DOP1A: variants seen among roughly 807,000 people sequenced by gnomAD.
DOP1A encodes the protein DOP1 leucine zipper like protein A.
DOP1A carries 90 observed loss-of-function variants against 267.6 expected under a neutral mutation model. The observed-to-expected ratio is 0.34, with a 90% CI of 0.28 to 0.40. DOP1A has a LOEUF of 0.40. Ranked by LOEUF, DOP1A falls within the 10% of genes least tolerant of loss-of-function variation. The pLI, the probability that DOP1A is intolerant of heterozygous loss-of-function variation, is 1.00. For missense variants in DOP1A, 2,437 were observed against 2,900.4 expected (o/e 0.84, Z 3.67); for synonymous variants, 932 against 999.1 (o/e 0.93, Z 1.27).
rs1779209927 is a variant in DOP1A at position 83,138,858 on chromosome 6, G to T, written c.4816G>T (p.Gly1606Cys). Reference protein sequence around the residue: ...VMTIPEENETGFDFVVSDLEH... With the variant: ...VMTIPEENETCFDFVVSDLEH... ...GACTATTCCTGAAGAGAATGAAACAGGTTTTGATTTTGTTGTATCTGACTT... is the reference window on the plus strand; with the variant it reads ...GACTATTCCTGAAGAGAATGAAACATGTTTTGATTTTGTTGTATCTGACTT... Residue 1606 changes from glycine (G) to cysteine (C), a missense_variant, in exon 21 of 39, where the codon GGT becomes TGT. Gly to Cys is a radical substitution (Grantham distance 159, BLOSUM62 -3). This residue lies in a region of DOP1A where 878 missense variants were observed against 992.9 expected (regional missense o/e 0.88). Transcript: ENST00000349129. The T allele has an allele frequency of 6.2e-7, 1 of 1,613,998 alleles. No homozygotes were observed. The highest frequency in any genetic ancestry group is 8.5e-7 in the Non-Finnish European group (1 of 1,179,938).
At chr6:83,125,819 G>A (rs1160694164) in intron 15 of DOP1A, 86 bp downstream of exon 15, 1 of 1,166,362 alleles carries the variant, frequency 8.6e-7, no homozygotes, top group African/African-American at 1.5e-5. Flanking sequence ...TTATACATAA[G>A]CATTTAAATA....
At chr6:83,082,964 C>T (rs553955062) in intron 1 of DOP1A, among the ~76,000 whole-genome samples, 47 of 151,984 alleles carry the variant, frequency 3.1e-4, no homozygotes, top group Non-Finnish European at 5.0e-4. Flanking sequence ...CCTGCCACCA[C>T]GCCCAGCTAA....
At chr6:83,109,846 T>C (rs1007864810) in intron 5 of DOP1A, among the ~76,000 whole-genome samples, 1 of 151,516 alleles carries the variant, frequency 6.6e-6, no homozygotes, top group Admixed American at 6.6e-5. Flanking sequence ...GTGGAGTGTT[T>C]TGTTGTTGTT....
At chr6:83,076,507 T>G (rs1422428123) in intron 1 of DOP1A, among the ~76,000 whole-genome samples, 1 of 151,106 alleles carries the variant, frequency 6.6e-6, no homozygotes, top group African/African-American at 2.4e-5. Flanking sequence ...AGACTCCATC[T>G]CAAAAGAAAA....
At chr6:83,113,486 G>A (rs1774906627) in intron 7 of DOP1A, 65 bp downstream of exon 7, 1 of 1,335,750 alleles carries the variant, frequency 7.5e-7, no homozygotes, top group African/African-American at 1.4e-5. Context: ...ATAATGTGTA[G>A]TTATTTTTTA....
intron 1 of DOP1A, among the ~76,000 whole-genome samples, chr6:83,092,644 TTC>T (rs375285557): frequency 7.2e-6 from 1 of 139,734 alleles, no homozygotes; most frequent in Non-Finnish European, 1.5e-5. Context: ...AAACTCTAAA[TTC>T]TGTTTTTTTT....
chr6:83,107,479 C>T (rs1773837867), intron 4 of DOP1A, among the ~76,000 whole-genome samples: 2 of 152,146 alleles, frequency 1.3e-5, no homozygotes, highest in South Asian at 4.1e-4. Flanking sequence ...TTCATTTGTT[C>T]ATCACTTGCT....
At chr6:83,120,852 TAA>T (rs1164531524) in intron 10 of DOP1A, 61 bp downstream of exon 10, 6 of 1,231,842 alleles carry the variant, frequency 4.9e-6, no homozygotes, top group African/African-American at 3.0e-5. Context: ...AATAAGAAAA[TAA>T]AAAGAGTCAT....
chr6:83,119,614 C>T, intron 8 of DOP1A, 134 bp from the exon 9 acceptor site: 2 of 622,958 alleles, frequency 3.2e-6, no homozygotes, highest in Non-Finnish European at 5.7e-6. Context: ...AAAATGATCT[C>T]TCTTGCTGAC....
chr6:83,150,158 T>G (rs1178924638), intron 27 of DOP1A, among the ~76,000 whole-genome samples: 3 of 152,144 alleles, frequency 2.0e-5, no homozygotes, highest in Admixed American at 6.5e-5. Context: ...GAGGACTGCT[T>G]GAGCCCAGAG....
chr6:83,163,634 A>T (rs1784751037), intron 38 of DOP1A, among the ~76,000 whole-genome samples: 1 of 152,180 alleles, frequency 6.6e-6, no homozygotes, highest in African/African-American at 2.4e-5. Flanking sequence ...CAGTACAGCT[A>T]TATAACCGAA....
chr6:83,125,447 A>G, intron 14 of DOP1A, 53 bp from the exon 15 acceptor site: 2 of 1,513,562 alleles, frequency 1.3e-6, no homozygotes, highest in Non-Finnish European at 1.8e-6. Context: ...TAAAAAATGT[A>G]ACTTTTGGGT....
intron 24 of DOP1A, among the ~76,000 whole-genome samples, chr6:83,145,314 G>A (rs979480795): frequency 7.0e-5 from 9 of 127,984 alleles, no homozygotes; most frequent in Non-Finnish European, 1.3e-4. Context: ...GGGTGCAGTG[G>A]CTCATGCCTG....
chr6:83,122,690 C>T (rs1006389066), intron 11 of DOP1A, among the ~76,000 whole-genome samples, 173 bp from the exon 12 acceptor site: 24 of 151,850 alleles, frequency 1.6e-4, no homozygotes, highest in African/African-American at 5.6e-4. Flanking sequence ...AAAATAACTG[C>T]CCATAAAATG....
At chr6:83,082,321 C>T (rs914237769) in intron 1 of DOP1A, among the ~76,000 whole-genome samples, 1 of 152,162 alleles carries the variant, frequency 6.6e-6, no homozygotes, top group African/African-American at 2.4e-5. Flanking sequence ...TGATGGAATG[C>T]TATTCACCTA....
At chr6:83,113,279 C>A in intron 6 of DOP1A, 44 bp from the exon 7 acceptor site, 1 of 1,489,910 alleles carries the variant, frequency 6.7e-7, no homozygotes, top group South Asian at 1.3e-5. Context: ...GCAAAAATGT[C>A]TCAGCATAAT....
intron 1 of DOP1A, among the ~76,000 whole-genome samples, chr6:83,089,599 C>T (rs967533640): frequency 6.6e-6 from 1 of 152,166 alleles, no homozygotes; most frequent in Non-Finnish European, 1.5e-5. Flanking sequence ...TTAACAGCCC[C>T]TAGAAGAAAG....
intron 34 of DOP1A, among the ~76,000 whole-genome samples, chr6:83,156,319 T>C (rs538190875): frequency 2.0e-4 from 31 of 152,316 alleles, no homozygotes; most frequent in African/African-American, 7.0e-4. Context: ...GTCTCTATTT[T>C]ATTGTTTAGT....
At position 83,166,306 on chromosome 6, in the gene DOP1A, G is replaced by T. The variant is rs956220737; in HGVS notation, c.7093-1556G>T. The stretch of plus-strand genomic sequence containing the variant: ...TCAGCTTCGATGATGTTCTCAATTG[G>T]TCATTATCAATTTCCGATGACTGGC... On this transcript the variant is annotated intron_variant, in intron 38 of 38. Transcript: ENST00000349129. The T allele has an allele frequency of 4.7e-6, 3 of 643,198 alleles. No homozygotes were observed. The East Asian group carries it at 8.2e-5, about 18-fold the overall frequency. 39.8% of individuals were successfully genotyped at this position (643,198 alleles called of 1,614,324 possible).
Sources: allele counts gnomAD v4.1 joint callset (sites outside exome capture counted in the v4.1 genomes callset), GRCh38; gene constraint gnomAD v4.1.1; regional missense constraint gnomAD v4.1.1; transcripts MANE v1.5; gene names NCBI Gene and HGNC (gene_info 2026-07-23, HGNC 2026-07-21).